The following TOX2 variants were observed in gnomAD, a reference collection of about 807,000 sequenced individuals.
TOX2 encodes the protein granulosa cell HMG box 1.
TOX2 carries 15 observed loss-of-function variants against 47.4 expected under a neutral mutation model. The observed-to-expected ratio is 0.32, with a 90% CI of 0.21 to 0.49. TOX2 has a LOEUF of 0.49. TOX2 is among the 20% of genes least tolerant of loss of function. The pLI is 0.99. For missense variants in TOX2, 622 were observed against 673.1 expected (o/e 0.92, Z 0.84); for synonymous variants, 290 against 296.6 (o/e 0.98, Z 0.23).
chr20:44,000,850 A>AGAC (rs2070566882), intron 2 of TOX2, among the ~76,000 whole-genome samples: 1 of 152,152 alleles, frequency 6.6e-6, no homozygotes, highest in African/African-American at 2.4e-5. Context: ...CAAGTGAAGA[A>AGAC]GTTTGTTCCC....
chr20:43,972,391 C>T lies in TOX2; in HGVS notation c.100-976C>T, dbSNP rs561451127. Among the ~76,000 whole-genome samples the T allele has an allele frequency of 1.2e-4, 18 of 152,302 alleles. No homozygotes were observed. In the East Asian group the frequency reaches 2.9e-3, roughly 24 times the overall value. On this transcript the variant is annotated intron_variant, in intron 1 of 8. Coordinates refer to ENST00000341197, the MANE Select transcript of TOX2 (RefSeq NM_001098797.2). ...TTGCTTAGCTGTACCCACTCCTGTC[C>T]GGCTTGCCTCCCACACTTACAGGTT...
At chr20:44,034,637 T>G (rs1325851507) in intron 3 of TOX2, among the ~76,000 whole-genome samples, 1 of 152,172 alleles carries the variant, frequency 6.6e-6, no homozygotes, top group Admixed American at 6.5e-5. Flanking sequence ...AGTGGCCAAC[T>G]TCTGGGTCTC....
At chr20:43,932,775 C>CT (rs1555830021) in intron 1 of TOX2, among the ~76,000 whole-genome samples, 1 of 134,070 alleles carries the variant, frequency 7.5e-6, no homozygotes, top group African/African-American at 3.3e-5. Flanking sequence ...GGGGTTGCTG[C>CT]CCCCCCCCGC....
chr20:43,927,512 T>C (rs1444443880), intron 1 of TOX2, among the ~76,000 whole-genome samples: 1 of 102,342 alleles, frequency 9.8e-6, no homozygotes, highest in Non-Finnish European at 2.3e-5. Context: ...CACACACACA[T>C]CATGAGATAT....
chr20:43,973,808 T>G lies in TOX2; in HGVS notation c.165+376T>G, dbSNP rs147093561. Among the ~76,000 whole-genome samples the G allele has an allele frequency of 5.1e-3, 778 of 152,298 alleles. 3 individuals are homozygous for G. The highest frequency in any genetic ancestry group is 0.018 in the African/African-American group (740 of 41,556). The stretch of plus-strand genomic sequence containing the variant: ...CCACGGGGACATGTTCTGGTTTGGA[T>G]GCACACATGCCCTTGCGTAGGCATG... On this transcript the variant is annotated intron_variant, in intron 2 of 8. Transcript: ENST00000341197.
At chr20:43,924,707 C>T (rs1468422686) in intron 1 of TOX2, among the ~76,000 whole-genome samples, 2 of 152,230 alleles carry the variant, frequency 1.3e-5, no homozygotes, top group Non-Finnish European at 2.9e-5. Context: ...TGTTCATTAA[C>T]TCACTCCCAA....
Position 44,051,564 on chromosome 20 carries a change from CAG to C in TOX2, c.651+22_651+23del. The C allele has an allele frequency of 6.4e-7, 1 of 1,553,162 alleles. No homozygotes were observed. ...TTTCAAGGTATGTGCGGTGGAGGAA[CAG>C]AGCCTGAAGCTGCCCTCCTGTCGGC... On this transcript the variant is annotated intron_variant, in intron 4 of 8. Coordinates refer to ENST00000341197, the MANE Select transcript of TOX2 (RefSeq NM_001098797.2).
chr20:44,034,911 A>T (rs1419301120), intron 3 of TOX2, among the ~76,000 whole-genome samples: 2 of 151,922 alleles, frequency 1.3e-5, no homozygotes, highest in African/African-American at 4.8e-5. Flanking sequence ...CATCACCTTC[A>T]CTCTGCTCAA....
At chr20:43,928,274 AAATGAGGT>A (rs765912625) in intron 1 of TOX2, among the ~76,000 whole-genome samples, 4 of 152,394 alleles carry the variant, frequency 2.6e-5, no homozygotes, top group Admixed American at 1.3e-4. Context: ...TTATGAAATT[AAATGAGGT>A]AATGATGTAT....
At chr20:44,053,975 G>A (rs745673542) in intron 4 of TOX2, among the ~76,000 whole-genome samples, 16 of 152,284 alleles carry the variant, frequency 1.1e-4, no homozygotes, top group Admixed American at 2.6e-4. Flanking sequence ...TAGTTTCAGC[G>A]CTCTATTGGG....
intron 2 of TOX2, among the ~76,000 whole-genome samples, chr20:43,996,322 T>C (rs1325959236): frequency 1.3e-5 from 2 of 152,236 alleles, no homozygotes; most frequent in African/African-American, 2.4e-5. Context: ...AATGGCAAGA[T>C]GGTAGGGCGA....
intron 1 of TOX2, among the ~76,000 whole-genome samples, chr20:43,957,220 G>C (rs1569033473): frequency 6.6e-6 from 1 of 152,190 alleles, no homozygotes; most frequent in East Asian, 1.9e-4. Flanking sequence ...CATTCGGAGT[G>C]CATGCATTTT....
chr20:44,061,216 G>C (rs1227368489), intron 5 of TOX2, among the ~76,000 whole-genome samples: 2 of 151,902 alleles, frequency 1.3e-5, no homozygotes, highest in Non-Finnish European at 2.9e-5. Context: ...AACAAGCAGT[G>C]AGATTGAAAT....
At chr20:44,014,128 CAAAAAA>C (rs55721806) in intron 3 of TOX2, among the ~76,000 whole-genome samples, 1,758 of 53,482 alleles carry the variant, frequency 0.033, 30 homozygotes, top group African/African-American at 0.12. Flanking sequence ...GAGACTATCT[CAAAAAA>C]AAAAAAAAAA....
intron 3 of TOX2, among the ~76,000 whole-genome samples, chr20:44,014,209 G>A (rs985334219): frequency 6.6e-6 from 1 of 150,408 alleles, no homozygotes; most frequent in African/African-American, 2.4e-5. Context: ...TCATTCACAT[G>A]GTGATGGACA....
At chr20:44,063,250 A>G (rs553242766) in intron 5 of TOX2, among the ~76,000 whole-genome samples, 2 of 152,370 alleles carry the variant, frequency 1.3e-5, no homozygotes, top group African/African-American at 2.4e-5. Flanking sequence ...ACAAAGGACT[A>G]ATATCCAGAA....
At chr20:43,924,441 T>C (rs1320958946) in intron 1 of TOX2, among the ~76,000 whole-genome samples, 1 of 152,176 alleles carries the variant, frequency 6.6e-6, no homozygotes, top group Non-Finnish European at 1.5e-5. Context: ...TCTTCCTGTG[T>C]GTTAGGGAGG....
chr20:43,961,360 G>T (rs1008990718), intron 1 of TOX2, among the ~76,000 whole-genome samples: 13 of 152,060 alleles, frequency 8.5e-5, no homozygotes, highest in African/African-American at 3.1e-4. Context: ...AGGCAGCCTG[G>T]ACTGTTGGGC....
chr20:43,957,760 G>GAGAGC (rs2069692430), intron 1 of TOX2, among the ~76,000 whole-genome samples: 1 of 152,112 alleles, frequency 6.6e-6, no homozygotes, highest in African/African-American at 2.4e-5. Flanking sequence ...TCACGATTCT[G>GAGAGC]TGAGCTGTAC....
Sources: allele counts gnomAD v4.1 joint callset (sites outside exome capture counted in the v4.1 genomes callset), GRCh38; gene constraint gnomAD v4.1.1; transcripts MANE v1.5; gene names NCBI Gene and HGNC (gene_info 2026-07-23, HGNC 2026-07-21).